The following NRXN3 variants were observed in gnomAD, a reference collection of about 807,000 sequenced individuals.
NRXN3 encodes the protein neurexin III.
NRXN3 carries 32 observed loss-of-function variants against 137.6 expected under a neutral mutation model. That is an observed-to-expected ratio of 0.23 (90% CI 0.18 to 0.31). NRXN3 has a LOEUF of 0.31. NRXN3 is among the 10% of genes least tolerant of loss of function. The pLI, the probability that NRXN3 is intolerant of heterozygous loss-of-function variation, is 1.00. For synonymous variants in NRXN3, 798 were observed against 784.5 expected, an observed-to-expected ratio of 1.02 and a Z score of -0.29; for missense variants, 1,574 against 2,062.5, an observed-to-expected ratio of 0.76 and a Z score of 4.59.
At chr14:78,230,756 ATGAGACTGGAAAGG>A (rs1567025999) in intron 1 of NRXN3, among the ~76,000 whole-genome samples, 1 of 152,146 alleles carries the variant, frequency 6.6e-6, no homozygotes, top group Non-Finnish European at 1.5e-5. Context: ...GGAGTAGTAG[ATGAGACTGGAAAGG>A]TGGCTGGTGT....
chr14:79,625,289 T>C (rs1406578227), intron 16 of NRXN3, among the ~76,000 whole-genome samples: 1 of 152,042 alleles, frequency 6.6e-6, no homozygotes, highest in African/African-American at 2.4e-5. Context: ...CTTTGAGAAC[T>C]AGAAAAAAAT....
At chr14:79,499,347 C>T (rs1483334272) in intron 16 of NRXN3, among the ~76,000 whole-genome samples, 1 of 152,166 alleles carries the variant, frequency 6.6e-6, no homozygotes, top group African/African-American at 2.4e-5. Flanking sequence ...CCTTCAGCAC[C>T]AGAGCTGACT....
chr14:78,412,979 T>C (rs1307766554), intron 4 of NRXN3, among the ~76,000 whole-genome samples: 3 of 152,204 alleles, frequency 2.0e-5, no homozygotes, highest in Non-Finnish European at 4.4e-5. Context: ...AGCCAAAGTA[T>C]TTGATATGGG....
chr14:78,401,589 G>A (rs2092065736), intron 4 of NRXN3, among the ~76,000 whole-genome samples: 1 of 152,160 alleles, frequency 6.6e-6, no homozygotes, highest in Non-Finnish European at 1.5e-5. Flanking sequence ...GTCCCAAAAG[G>A]CCACTTTTTA....
chr14:78,837,548 T>A (rs1184272767), intron 10 of NRXN3, among the ~76,000 whole-genome samples: 1 of 152,044 alleles, frequency 6.6e-6, no homozygotes, highest in Non-Finnish European at 1.5e-5. Flanking sequence ...TGCTCTCATA[T>A]GGTACTTTTC....
chr14:79,855,673 A>G (rs1332434993), intron 20 of NRXN3, among the ~76,000 whole-genome samples: 1 of 152,152 alleles, frequency 6.6e-6, no homozygotes, highest in Admixed American at 6.5e-5. Context: ...TGAAGCCACT[A>G]AATAAAAAAG....
intron 15 of NRXN3, among the ~76,000 whole-genome samples, chr14:79,140,575 G>C (rs751600947): frequency 2.7e-3 from 142 of 53,008 alleles, no homozygotes; most frequent in Middle Eastern, 0.02. Context: ...CCACCTCACT[G>C]TGTGTGTGTG....
intron 15 of NRXN3, among the ~76,000 whole-genome samples, chr14:79,367,906 G>A (rs2093953586): frequency 6.6e-6 from 1 of 152,124 alleles, no homozygotes; most frequent in Non-Finnish European, 1.5e-5. Context: ...TCTGTGTTCT[G>A]GAGTAAGTCT....
intron 20 of NRXN3, among the ~76,000 whole-genome samples, chr14:79,832,345 A>AGTTGCATT (rs1241257594): frequency 1.3e-5 from 2 of 152,160 alleles, no homozygotes; most frequent in Non-Finnish European, 2.9e-5. Context: ...GTGTCTCCTA[A>AGTTGCATT]GTTGCATTGT....
At chr14:78,987,306 G>A (rs373092602) in intron 14 of NRXN3, among the ~76,000 whole-genome samples, 2 of 152,070 alleles carry the variant, frequency 1.3e-5, no homozygotes, top group African/African-American at 4.8e-5. Context: ...ACCTAAGTTG[G>A]ACATCAGCAT....
chr14:79,249,995 C>T (rs535833543), intron 15 of NRXN3, among the ~76,000 whole-genome samples: 20 of 152,286 alleles, frequency 1.3e-4, no homozygotes, highest in African/African-American at 4.8e-4. Context: ...TGCTTATGCA[C>T]TAATAACCAA....
chr14:79,597,892 G>C (rs1263762709), intron 16 of NRXN3, among the ~76,000 whole-genome samples: 1 of 152,090 alleles, frequency 6.6e-6, no homozygotes, highest in Admixed American at 6.5e-5. Flanking sequence ...AATTAAACCA[G>C]GCAGATTAAC....
chr14:79,207,815 A>G (rs2067014038), intron 15 of NRXN3, among the ~76,000 whole-genome samples: 1 of 152,172 alleles, frequency 6.6e-6, no homozygotes, highest in African/African-American at 2.4e-5. Context: ...ATGATAATTC[A>G]GTTGTGAAGG....
chr14:79,624,530 C>A (rs920288982), intron 16 of NRXN3, among the ~76,000 whole-genome samples: 1 of 151,916 alleles, frequency 6.6e-6, no homozygotes, highest in African/African-American at 2.4e-5. Context: ...GTTGTCATAA[C>A]GGCACATAAA....
chr14:79,417,470 C>T (rs2095513317), intron 15 of NRXN3, among the ~76,000 whole-genome samples: 1 of 152,042 alleles, frequency 6.6e-6, no homozygotes, highest in South Asian at 2.1e-4. Flanking sequence ...TTATATTTCT[C>T]CTATTGCTGC....
At chr14:78,967,184 G>GTTTTTTTTTTTTTTTTTTTTTTTTTTTTT in intron 12 of NRXN3, 24 bp from the exon 13 acceptor site, 2 of 1,421,226 alleles carry the variant, frequency 1.4e-6, no homozygotes, top group Non-Finnish European at 1.9e-6. Flanking sequence ...TCCAATTATT[G>GTTTTTTTTTTTTTTTTTTTTTTTTTTTTT]TTTTTTTTTT....
At position 78,178,972 on chromosome 14, in the gene NRXN3, C is replaced by T. The variant is rs535922434; in HGVS notation, c.-704+8298C>T. ...CTCTGGGGATCATCATCCTTATCAG[C>T]CACCTCTAGGCCTGCCTCTACCCCA... On this transcript the variant is annotated intron_variant, in intron 1 of 20. Transcript: ENST00000335750. Among the ~76,000 whole-genome samples the T allele has an allele frequency of 5.2e-4, 79 of 152,242 alleles. 1 individual carries two copies. In the Middle Eastern group the frequency reaches 0.017, roughly 33 times the overall value.
chr14:78,423,403 C>G (rs1240872112), intron 4 of NRXN3, among the ~76,000 whole-genome samples: 1 of 152,174 alleles, frequency 6.6e-6, no homozygotes, highest in Non-Finnish European at 1.5e-5. Flanking sequence ...TGCTCACAGC[C>G]TGCTAGGAGC....
In NRXN3 at chr14:79,387,731, T is replaced by G. The variant is rs2094683624; in HGVS notation, c.3263-79490T>G. Among the ~76,000 whole-genome samples, 3 of 151,568 alleles carry G rather than the reference T, an allele frequency of 2.0e-5. No individual in the cohort carries two copies. The South Asian group carries it at 6.3e-4, about 32-fold the overall frequency. ...AATGTCCAACAATGATAGACTGGAT[T>G]AAGAAAATGTGGCACATATACACCA... On this transcript the variant is annotated intron_variant, in intron 15 of 20. Transcript: ENST00000335750.
Sources: allele counts gnomAD v4.1 joint callset (sites outside exome capture counted in the v4.1 genomes callset), GRCh38; gene constraint gnomAD v4.1.1; transcripts MANE v1.5; gene names NCBI Gene and HGNC (gene_info 2026-07-23, HGNC 2026-07-21).